The following MAGI2 variants were observed in gnomAD, a reference collection of about 807,000 sequenced individuals.
The protein encoded by MAGI2 is membrane-associated guanylate kinase, WW and PDZ domain-containing protein 2.
MAGI2 carries 35 observed loss-of-function variants against 133.3 expected under a neutral mutation model. The ratio of observed to expected loss-of-function variants is 0.26; its 90% confidence interval spans 0.20 to 0.35. The LOEUF (loss-of-function observed/expected upper bound fraction) is 0.35. Among genes scored for constraint, MAGI2 ranks in the 10% least tolerant of loss-of-function variants. MAGI2 has a pLI of 1.00. For synonymous variants in MAGI2, 729 were observed against 710.6 expected (o/e 1.03, Z -0.41); for missense variants, 1,636 against 1,863.4 (o/e 0.88, Z 2.25).
At chr7:78,952,561 T>A (rs975355494) in intron 2 of MAGI2, among the ~76,000 whole-genome samples, 2 of 152,218 alleles carry the variant, frequency 1.3e-5, no homozygotes, top group African/African-American at 4.8e-5. Context: ...TATTTTCTTT[T>A]AATAAATAAT....
At chr7:78,198,515 T>C (rs902996439) in intron 11 of MAGI2, among the ~76,000 whole-genome samples, 4 of 135,660 alleles carry the variant, frequency 2.9e-5, no homozygotes, top group African/African-American at 1.1e-4. Flanking sequence ...TACTGCAACC[T>C]CCGCCTCCCG....
rs777462188 is a variant in MAGI2 at position 78,489,748 on chromosome 7, C to A, written c.1045+13G>T. 99 of 1,601,448 alleles carry A rather than the reference C, an allele frequency of 6.2e-5. No homozygotes were observed. The highest frequency in any genetic ancestry group is 8.1e-5 in the Non-Finnish European group (95 of 1,169,734). On this transcript the variant is annotated intron_variant, in intron 6 of 21. Coordinates refer to ENST00000354212, the MANE Select transcript of MAGI2 (RefSeq NM_012301.4). ...GCACATTGCTGAAACACCATAAAAACTTAATAACCTACCATTTTCTTTGCA... is the reference window on the plus strand; with the variant it reads ...GCACATTGCTGAAACACCATAAAAAATTAATAACCTACCATTTTCTTTGCA...
At chr7:79,266,891 T>C (rs952893988) in intron 1 of MAGI2, among the ~76,000 whole-genome samples, 3 of 152,084 alleles carry the variant, frequency 2.0e-5, no homozygotes, top group African/African-American at 7.2e-5. Flanking sequence ...TTAACATACG[T>C]TCTTGAGTTA....
At chr7:79,389,722 A>G (rs1384925704) in intron 1 of MAGI2, among the ~76,000 whole-genome samples, 1 of 149,274 alleles carries the variant, frequency 6.7e-6, no homozygotes, top group African/African-American at 2.6e-5. Context: ...ATGAGAATAA[A>G]AGGAATCCTA....
intron 6 of MAGI2, among the ~76,000 whole-genome samples, chr7:78,395,457 A>G (rs1796256384): frequency 6.6e-6 from 1 of 152,140 alleles, no homozygotes; most frequent in South Asian, 2.1e-4. Context: ...CTTTGTCTTC[A>G]TCATCCAGCT....
chr7:79,286,060 A>T (rs138923485), intron 1 of MAGI2, among the ~76,000 whole-genome samples: 39 of 152,152 alleles, frequency 2.6e-4, no homozygotes, highest in Non-Finnish European at 4.4e-4. Context: ...CATGTGTTGG[A>T]AACAACTACC....
chr7:78,822,428 C>A (rs915243824), intron 2 of MAGI2, among the ~76,000 whole-genome samples: 9 of 152,006 alleles, frequency 5.9e-5, no homozygotes, highest in African/African-American at 2.2e-4. Context: ...GTATAAGGTG[C>A]AGCAATTTTA....
chr7:79,174,099 G>T (rs1215544324), intron 1 of MAGI2, among the ~76,000 whole-genome samples: 1 of 151,946 alleles, frequency 6.6e-6, no homozygotes, highest in Non-Finnish European at 1.5e-5. Context: ...TTCAGTTATA[G>T]GTATGTATAT....
chr7:78,635,042 CTTAT>C (rs1401882337), intron 2 of MAGI2, among the ~76,000 whole-genome samples: 4 of 152,222 alleles, frequency 2.6e-5, no homozygotes, highest in East Asian at 1.9e-4. Context: ...TAAACAACAG[CTTAT>C]TTATTAATTG....
At chr7:78,061,627 G>A (rs1813284085) in intron 21 of MAGI2, among the ~76,000 whole-genome samples, 1 of 152,174 alleles carries the variant, frequency 6.6e-6, no homozygotes, top group African/African-American at 2.4e-5. Flanking sequence ...GCAGTTTGAA[G>A]TCTTGGGATG....
intron 10 of MAGI2, among the ~76,000 whole-genome samples, chr7:78,207,288 C>T (rs1036643813): frequency 2.6e-5 from 4 of 151,978 alleles, no homozygotes; most frequent in African/African-American, 4.8e-5. Context: ...CACTACATTT[C>T]TGAAAATATT....
At chr7:78,588,154 G>A (rs572451930) in intron 3 of MAGI2, among the ~76,000 whole-genome samples, 1 of 152,284 alleles carries the variant, frequency 6.6e-6, no homozygotes, top group South Asian at 2.1e-4. Flanking sequence ...CAGAATAGGT[G>A]CTTGTTCAAC....
Position 78,950,930 on chromosome 7 carries a change from C to T in MAGI2, c.418+56160G>A, listed in dbSNP as rs1165185633. 4.7e-5 allele frequency among the ~76,000 whole-genome samples: 7 copies of T among 149,742 alleles called. No homozygotes were observed. The East Asian group carries it at 7.9e-4, about 17-fold the overall frequency. On this transcript the variant is annotated intron_variant, in intron 2 of 21. Transcript: ENST00000354212. Reference sequence around the variant, plus strand: ...TGTCCTCTATTCTTAGAATAAGATGCTTGCCACTGAGTCTTTGTCTCTCCC... The same window carrying T: ...TGTCCTCTATTCTTAGAATAAGATGTTTGCCACTGAGTCTTTGTCTCTCCC...
chr7:78,385,130 C>G (rs969435927), intron 6 of MAGI2, among the ~76,000 whole-genome samples: 9 of 152,138 alleles, frequency 5.9e-5, no homozygotes, highest in Non-Finnish European at 1.0e-4. Flanking sequence ...CTTTATTCTA[C>G]CAAGCTCTGT....
chr7:78,095,896 G>A (rs2151229978), intron 20 of MAGI2, among the ~76,000 whole-genome samples: 1 of 152,316 alleles, frequency 6.6e-6, no homozygotes, highest in East Asian at 1.9e-4. Flanking sequence ...ACCATGTGGA[G>A]AGAAAGAACA....
At chr7:79,167,710 T>A (rs571558848) in intron 1 of MAGI2, among the ~76,000 whole-genome samples, 43 of 152,140 alleles carry the variant, frequency 2.8e-4, no homozygotes, top group African/African-American at 1.0e-3. Context: ...ACTTTTTTTT[T>A]AGGAAGAATT....
intron 10 of MAGI2, among the ~76,000 whole-genome samples, chr7:78,244,962 T>C (rs1181803012): frequency 6.6e-6 from 1 of 152,128 alleles, no homozygotes; most frequent in African/African-American, 2.4e-5. Flanking sequence ...TATTTAAGAG[T>C]GTAAAATGAG....
intron 20 of MAGI2, among the ~76,000 whole-genome samples, chr7:78,107,633 T>G (rs1377169685): frequency 6.6e-6 from 1 of 152,002 alleles, no homozygotes; most frequent in Non-Finnish European, 1.5e-5. Flanking sequence ...TCTTGGTTTC[T>G]TTTTCAGATG....
intron 2 of MAGI2, among the ~76,000 whole-genome samples, chr7:78,785,084 TA>T (rs1256893986): frequency 6.6e-6 from 1 of 152,226 alleles, no homozygotes; most frequent in Non-Finnish European, 1.5e-5. Flanking sequence ...ATATGTTCAC[TA>T]AACAAAATGA....
Sources: allele counts gnomAD v4.1 joint callset (sites outside exome capture counted in the v4.1 genomes callset), GRCh38; gene constraint gnomAD v4.1.1; transcripts MANE v1.5; gene names NCBI Gene and HGNC (gene_info 2026-07-23, HGNC 2026-07-21).